ST6GALNAC5: variants seen among roughly 807,000 people sequenced by gnomAD.
The protein encoded by ST6GALNAC5 is alpha-N-acetylgalactosaminide alpha-2,6-sialyltransferase 5.
ST6GALNAC5 carries 27 observed loss-of-function variants against 33.6 expected under a neutral mutation model. The observed-to-expected ratio is 0.80, with a 90% CI of 0.59 to 1.11. ST6GALNAC5 has a LOEUF of 1.11. ST6GALNAC5 is among the 50% of genes least tolerant of loss of function. The probability of loss-of-function intolerance (pLI) is 0.00; values close to 1 mark genes in which losing one functional copy is unlikely to be tolerated. For synonymous variants in ST6GALNAC5, 194 were observed against 171.2 expected (o/e 1.13, Z -1.04); for missense variants, 428 against 454.0 (o/e 0.94, Z 0.52).
chr1:76,951,605 C>A (rs1385727868), intron 2 of ST6GALNAC5, among the ~76,000 whole-genome samples: 1 of 151,794 alleles, frequency 6.6e-6, no homozygotes, highest in Admixed American at 6.6e-5. Context: ...TGCACATGTA[C>A]CCCAGAACAC....
chr1:76,981,469 T>C (rs1192405321), intron 2 of ST6GALNAC5, among the ~76,000 whole-genome samples: 1 of 152,058 alleles, frequency 6.6e-6, no homozygotes, highest in African/African-American at 2.4e-5. Context: ...CTTAAGTAGG[T>C]AAACAAAGCA....
chr1:76,965,741 G>A (rs944641689), intron 2 of ST6GALNAC5, among the ~76,000 whole-genome samples: 44 of 152,138 alleles, frequency 2.9e-4, no homozygotes, highest in African/African-American at 1.0e-3. Context: ...ATGGTTTTAG[G>A]TCTAACATTT....
intron 2 of ST6GALNAC5, among the ~76,000 whole-genome samples, chr1:76,942,361 G>A (rs575357760): frequency 1.3e-5 from 2 of 152,266 alleles, no homozygotes; most frequent in East Asian, 3.9e-4. Flanking sequence ...CACATGAAGT[G>A]TTGATGTTCT....
rs1175173240 is a variant in ST6GALNAC5 at position 77,065,149 on chromosome 1, AGT to A, written c.*1946_*1947del. 1 of 152,184 alleles carries A rather than the reference AGT, an allele frequency of 6.6e-6. No individual in the cohort carries two copies. The allele number at this position is 152,184 out of a possible 1,614,324, so 9.4% of individuals were successfully genotyped here. A position where few individuals can be genotyped will look rare whatever the true frequency, so the allele number is the denominator to read the frequency against. ...ATCATACTTTATCAACATATGAAAAAGTGTATTAATTTTATACAATTTACTTA... is the reference window on the plus strand; with the variant it reads ...ATCATACTTTATCAACATATGAAAAAGTATTAATTTTATACAATTTACTTA... On this transcript the variant is annotated 3_prime_UTR_variant, in exon 5 of 5. Transcript: ENST00000477717.
Position 77,044,474 on chromosome 1 carries a change from C to A in ST6GALNAC5, c.532C>A (p.Arg178=), listed in dbSNP as rs779190621. 2 of 1,613,306 alleles carry A rather than the reference C, an allele frequency of 1.2e-6. No individual in the cohort carries two copies. Among genetic ancestry groups the A allele is most frequent in the South Asian group, 2.2e-5 (2 of 90,980 alleles). ...CTTCTGGGGCCCCAGCAGCTACATGCGGCGGGACGGCAAGGGCCAGGTCTA... is the reference window on the plus strand; with the variant it reads ...CTTCTGGGGCCCCAGCAGCTACATGAGGCGGGACGGCAAGGGCCAGGTCTA... ...FIFWGPSSYM[R]RDGKGQVYNN... is the part of the protein sequence containing the mutation. Residue 178 remains arginine (R), a synonymous_variant, in exon 3 of 5, where the codon CGG becomes AGG. Transcript: ENST00000477717.
Position 77,033,066 on chromosome 1 carries a change from T to C in ST6GALNAC5, c.262-11138T>C, listed in dbSNP as rs1414639241. Among the ~76,000 whole-genome samples, 15 of 152,312 alleles carry C rather than the reference T, an allele frequency of 9.8e-5. No individual in the cohort carries two copies. In the South Asian group the frequency reaches 2.9e-3, roughly 29 times the overall value. ...CCAATCTCTTCCTAGAGGAAGTAAT[T>C]GCATACGAGTGACCTTTGAAGGAAA... On this transcript the variant is annotated intron_variant, in intron 2 of 4. Transcript: ENST00000477717.
intron 2 of ST6GALNAC5, among the ~76,000 whole-genome samples, chr1:76,935,474 T>A (rs1224571004): frequency 6.6e-6 from 1 of 152,072 alleles, no homozygotes; most frequent in South Asian, 2.1e-4. Context: ...CAGAGCATAC[T>A]CTTGTTGAAT....
At chr1:76,952,212 C>A (rs1216551193) in intron 2 of ST6GALNAC5, among the ~76,000 whole-genome samples, 1 of 152,110 alleles carries the variant, frequency 6.6e-6, no homozygotes, top group Non-Finnish European at 1.5e-5. Flanking sequence ...TGGTTTCCAG[C>A]TCCCAATGAG....
At chr1:77,041,505 T>C (rs758107700) in intron 2 of ST6GALNAC5, among the ~76,000 whole-genome samples, 65 of 152,210 alleles carry the variant, frequency 4.3e-4, no homozygotes, top group Non-Finnish European at 7.8e-4. Flanking sequence ...TTGAATAAAT[T>C]ATCATGGAAC....
intron 2 of ST6GALNAC5, among the ~76,000 whole-genome samples, chr1:76,973,624 A>C (rs1648855493): frequency 6.6e-6 from 1 of 152,088 alleles, no homozygotes; most frequent in Non-Finnish European, 1.5e-5. Flanking sequence ...TAACTATCAC[A>C]CACCCTTTAT....
At chr1:77,031,041 A>T (rs529105980) in intron 2 of ST6GALNAC5, among the ~76,000 whole-genome samples, 2 of 152,346 alleles carry the variant, frequency 1.3e-5, no homozygotes, top group East Asian at 3.9e-4. Context: ...AAAAAGAAGA[A>T]AATGTGATTT....
At chr1:76,980,853 G>GA (rs970605830) in intron 2 of ST6GALNAC5, among the ~76,000 whole-genome samples, 1 of 151,878 alleles carries the variant, frequency 6.6e-6, no homozygotes, top group African/African-American at 2.4e-5. Flanking sequence ...AGCAACATAA[G>GA]AAAAAATAGA....
rs545840029 is a variant in ST6GALNAC5, at chr1:77,033,668, T to C, written c.262-10536T>C. Among the ~76,000 whole-genome samples the C allele has an allele frequency of 3.9e-5, 6 of 152,192 alleles. No individual in the cohort carries two copies. In the South Asian group the frequency reaches 1.2e-3, roughly 32 times the overall value. ...GAAGGGCCTCCTGGAGGAGGTGACATTTAAGCTGAGACCTGAGCGATGAGG... is the reference window on the plus strand; with the variant it reads ...GAAGGGCCTCCTGGAGGAGGTGACACTTAAGCTGAGACCTGAGCGATGAGG... On this transcript the variant is annotated intron_variant, in intron 2 of 4. Transcript: ENST00000477717.
chr1:76,913,419 G>A (rs1244034082), intron 2 of ST6GALNAC5, among the ~76,000 whole-genome samples: 5 of 151,800 alleles, frequency 3.3e-5, no homozygotes, highest in Admixed American at 6.6e-5. Context: ...TTCTCAAGGA[G>A]TATCTTTGTG....
chr1:76,896,094 T>C (rs566200049), intron 2 of ST6GALNAC5, among the ~76,000 whole-genome samples: 9 of 152,170 alleles, frequency 5.9e-5, no homozygotes, highest in Non-Finnish European at 1.3e-4. Context: ...GCTTGGCTGA[T>C]TTGACTAATA....
At chr1:77,044,698 C>CATGT in intron 3 of ST6GALNAC5, 85 bp downstream of exon 3, 2 of 1,481,048 alleles carry the variant, frequency 1.4e-6, no homozygotes, top group Non-Finnish European at 1.8e-6. Context: ...GCTTTTGCTA[C>CATGT]AGGCTTTTGT....
chr1:77,040,840 C>G (rs941927468), intron 2 of ST6GALNAC5, among the ~76,000 whole-genome samples: 1 of 152,152 alleles, frequency 6.6e-6, no homozygotes, highest in Admixed American at 6.5e-5. Context: ...ACAAAGTAAC[C>G]TTATTAAGCA....
Position 76,942,768 on chromosome 1 carries a change from G to A in ST6GALNAC5, c.261+74026G>A, listed in dbSNP as rs1049178141. Among the ~76,000 whole-genome samples, 7 of 152,090 alleles carry A rather than the reference G, an allele frequency of 4.6e-5. No individual in the cohort carries two copies. In the East Asian group the frequency reaches 7.7e-4, roughly 17 times the overall value. ...ATGAGGTCATCTATGGGTTTCTGGGGATGACGTGTTTGGCAGAAGTCCCCT... is the reference window on the plus strand; with the variant it reads ...ATGAGGTCATCTATGGGTTTCTGGGAATGACGTGTTTGGCAGAAGTCCCCT... On this transcript the variant is annotated intron_variant, in intron 2 of 4. Coordinates refer to ENST00000477717, the MANE Select transcript of ST6GALNAC5 (RefSeq NM_030965.3).
intron 2 of ST6GALNAC5, among the ~76,000 whole-genome samples, chr1:76,974,285 G>A (rs766589121): frequency 1.1e-4 from 14 of 133,178 alleles, no homozygotes; most frequent in Non-Finnish European, 2.2e-4. Context: ...CAATCATAGC[G>A]CCTCAAACTC....
Sources: gnomAD v4.1 joint callset for allele counts (sites outside exome capture counted in the v4.1 genomes callset) on GRCh38, gnomAD v4.1.1 for gene constraint, MANE v1.5 for transcripts, NCBI Gene and HGNC (gene_info 2026-07-23, HGNC 2026-07-21) for gene names.